The following NCOR1 variants were observed in gnomAD, a reference collection of about 807,000 sequenced individuals.
NCOR1 encodes nuclear receptor corepressor 1, also known as protein phosphatase 1, regulatory subunit 109.
A neutral mutation model predicts 288.1 loss-of-function variants in NCOR1; 63 were observed. The observed-to-expected ratio is 0.22, with a 90% CI of 0.18 to 0.27. The LOEUF (loss-of-function observed/expected upper bound fraction) is 0.27. NCOR1 is among the 10% of genes least tolerant of loss of function. The pLI, the probability that NCOR1 is intolerant of heterozygous loss-of-function variation, is 1.00. For synonymous variants in NCOR1, 1,007 were observed against 1,065.9 expected (o/e 0.94, Z 1.08); for missense variants, 2,397 against 3,019.2 (o/e 0.79, Z 4.83).
intron 16 of NCOR1, among the ~76,000 whole-genome samples, chr17:16,119,991 A>C (rs537035049): frequency 1.3e-5 from 2 of 151,588 alleles, no homozygotes; most frequent in Admixed American, 6.6e-5. Context: ...GGAAAAAAAC[A>C]AAACAAAACA....
intron 39 of NCOR1, 21 bp downstream of exon 39, chr17:16,057,886 T>A (rs2060115231): frequency 1.3e-6 from 2 of 1,567,908 alleles, no homozygotes; most frequent in Non-Finnish European, 1.7e-6. Flanking sequence ...AATTAACTAA[T>A]AAGAATAATG....
Position 16,101,673 on chromosome 17 carries a change from G to C in NCOR1, c.2267C>G (p.Thr756Ser), listed in dbSNP as rs769983880. The stretch of plus-strand genomic sequence containing the variant: ...AGATGTACTGGGTGCAGTTTCCGTG[G>C]TGGGCTCAAGCTCAACCGCAGGTTC... Reference protein sequence around the residue: ...NTEPAVELEPTTETAPSTSPS... With the variant: ...NTEPAVELEPSTETAPSTSPS... Residue 756 changes from threonine to serine, a missense_variant, in exon 20 of 46, where the codon ACC (threonine) becomes AGC (serine). Around this residue, in one of 11 missense-constraint regions of NCOR1, gnomAD observed 1,872 missense variants for 2,187.8 expected, o/e 0.86. Coordinates refer to ENST00000268712, the MANE Select transcript of NCOR1 (RefSeq NM_006311.4). 10 of 1,614,210 alleles carry C rather than the reference G, an allele frequency of 6.2e-6. No homozygotes were observed. The highest frequency in any genetic ancestry group is 8.5e-6 in the Non-Finnish European group (10 of 1,180,054).
At chr17:16,037,249 A>C (rs976757153) in intron 44 of NCOR1, among the ~76,000 whole-genome samples, 3 of 152,212 alleles carry the variant, frequency 2.0e-5, no homozygotes, top group Non-Finnish European at 4.4e-5. Flanking sequence ...CAATAGTAAT[A>C]TCAAAGGTCA....
chr17:16,099,334 C>A (rs1478152479), intron 20 of NCOR1, among the ~76,000 whole-genome samples: 1 of 151,932 alleles, frequency 6.6e-6, no homozygotes, highest in Non-Finnish European at 1.5e-5. Context: ...TTGTCATGGT[C>A]ACTGGGGGAA....
At chr17:16,118,064 G>A (rs2153122140) in intron 17 of NCOR1, 37 bp from the exon 18 acceptor site, 1 of 1,592,714 alleles carries the variant, frequency 6.3e-7, no homozygotes, top group Middle Eastern at 1.7e-4. Flanking sequence ...TAATTGAACA[G>A]TCACCTGATC....
chr17:16,110,270 C>T (rs2069760243), intron 18 of NCOR1, among the ~76,000 whole-genome samples: 1 of 151,798 alleles, frequency 6.6e-6, no homozygotes, highest in South Asian at 2.1e-4. Flanking sequence ...CCAGGGAGAT[C>T]GCTTGAGCCC....
intron 45 of NCOR1, among the ~76,000 whole-genome samples, chr17:16,034,467 G>A (rs962135839): frequency 2.0e-5 from 3 of 151,936 alleles, no homozygotes; most frequent in Non-Finnish European, 4.4e-5. Context: ...AATTAGCCAG[G>A]CATGGTCGTG....
rs185993656 is a variant in NCOR1 at position 16,133,730 on chromosome 17, G to A, written c.1509+3581C>T. ...GGATCTCTGCTTAGACACCTAATAGGTATTTCATATTCAGCCATGTCCTGA... is the reference window on the plus strand; with the variant it reads ...GGATCTCTGCTTAGACACCTAATAGATATTTCATATTCAGCCATGTCCTGA... On this transcript the variant is annotated intron_variant, in intron 14 of 45. Transcript: ENST00000268712. Among the ~76,000 whole-genome samples, 29 of 152,126 alleles carry A rather than the reference G, an allele frequency of 1.9e-4. 2 individuals are homozygous for A. Among genetic ancestry groups the A allele is most frequent in the African/African-American group, 7.0e-4 (29 of 41,476 alleles).
At chr17:16,141,466 T>G (rs911614884) in intron 11 of NCOR1, among the ~76,000 whole-genome samples, 2 of 152,176 alleles carry the variant, frequency 1.3e-5, no homozygotes, top group Non-Finnish European at 2.9e-5. Context: ...CTATACCTCC[T>G]CCAGGGCTAG....
At chr17:16,181,211 A>ATGTGTGTGTGTGTGTGTG (rs61215793) in intron 3 of NCOR1, among the ~76,000 whole-genome samples, 139 of 139,564 alleles carry the variant, frequency 1.0e-3, no homozygotes, top group East Asian at 3.6e-3. Context: ...ATATATATGT[A>ATGTGTGTGTGTGTGTGTG]TGTGTGTGTG....
At chr17:16,039,401 G>A (rs1340111856) in intron 44 of NCOR1, 32 bp downstream of exon 44, 2 of 1,596,114 alleles carry the variant, frequency 1.3e-6, no homozygotes, top group South Asian at 1.1e-5. Context: ...TTGGGGAAAA[G>A]CAGCAGAAAA....
chr17:16,199,334 G>A (rs2090442739), intron 1 of NCOR1, among the ~76,000 whole-genome samples: 1 of 151,874 alleles, frequency 6.6e-6, no homozygotes, highest in Non-Finnish European at 1.5e-5. Context: ...GCAGCCTGGA[G>A]ACCACGACAA....
At chr17:16,147,805 G>A (rs1242055306) in intron 9 of NCOR1, among the ~76,000 whole-genome samples, 3 of 152,078 alleles carry the variant, frequency 2.0e-5, no homozygotes, top group Admixed American at 6.5e-5. Flanking sequence ...CATTCTTAAT[G>A]TTGTAGCTAA....
intron 18 of NCOR1, among the ~76,000 whole-genome samples, chr17:16,113,581 C>T (rs926962379): frequency 6.6e-6 from 1 of 151,900 alleles, no homozygotes; most frequent in Admixed American, 6.6e-5. Flanking sequence ...TATCAAGGAA[C>T]CCTTCATACT....
rs141480389 is a variant in NCOR1, at chr17:16,190,156, G to A, written c.109-3469C>T. Among the ~76,000 whole-genome samples the A allele has an allele frequency of 9.8e-3, 1,499 of 152,232 alleles. 16 individuals carry two copies. The highest frequency in any genetic ancestry group is 0.04 in the South Asian group (192 of 4,818). ...GAGGTGAGAGGATCACTTGAGCCCAGGAGCTCAAGGTTACAGTGAGCTATG... is the reference window on the plus strand; with the variant it reads ...GAGGTGAGAGGATCACTTGAGCCCAAGAGCTCAAGGTTACAGTGAGCTATG... On this transcript the variant is annotated intron_variant, in intron 2 of 45. Coordinates refer to ENST00000268712, the MANE Select transcript of NCOR1 (RefSeq NM_006311.4).
At chr17:16,189,618 G>A (rs2087659612) in intron 2 of NCOR1, among the ~76,000 whole-genome samples, 1 of 152,058 alleles carries the variant, frequency 6.6e-6, no homozygotes, top group Non-Finnish European at 1.5e-5. Flanking sequence ...CCACAGGCAA[G>A]AGACAGGATT....
chr17:16,057,781 T>C (rs1470601913), intron 39 of NCOR1, 44 bp from the exon 40 acceptor site: 8 of 1,554,718 alleles, frequency 5.1e-6, no homozygotes, highest in Non-Finnish European at 7.0e-6. Context: ...CATTGAGTAC[T>C]TGCAAAAAAA....
Position 16,034,767 on chromosome 17 carries a change from G to A in NCOR1, c.7133C>T (p.Thr2378Ile). ...GWAWEDRPSS[T>I]GSTQFPYNPL... ...CTAAGTTAAAGCAGAATCCTTACCT[G>A]TTGAAGAGGGCCTGTCTTCCCAGGC... is the stretch of plus-strand genomic sequence containing the variant. The change falls in exon 45 of 46, where the codon ACA (threonine) becomes ATA (isoleucine). Residue 2378 changes from threonine (T) to isoleucine (I), a missense_variant and splice_region_variant. Physicochemically the swap from Thr to Ile is moderately conservative, Grantham distance 89 (BLOSUM62 -1). This residue lies in a region of NCOR1 where 1,872 missense variants were observed against 2,187.8 expected (regional missense o/e 0.86). Transcript: ENST00000268712. 1.9e-6 allele frequency: 3 copies of A among 1,611,218 alleles called. No individual in the cohort carries two copies. The highest frequency in any genetic ancestry group is 1.1e-5 in the South Asian group (1 of 90,762).
chr17:16,127,232 T>C (rs935548300), intron 14 of NCOR1, among the ~76,000 whole-genome samples: 2 of 144,252 alleles, frequency 1.4e-5, no homozygotes, highest in African/African-American at 5.5e-5. Context: ...TATATACATG[T>C]ATGCATATAT....
Sources: gnomAD v4.1 joint callset for allele counts (sites outside exome capture counted in the v4.1 genomes callset) on GRCh38, gnomAD v4.1.1 for gene constraint, gnomAD v4.1.1 regional missense constraint, MANE v1.5 for transcripts, NCBI Gene and HGNC (gene_info 2026-07-23, HGNC 2026-07-21) for gene names.